The following AK3 variants were observed in gnomAD, a reference collection of about 807,000 sequenced individuals.
The protein encoded by AK3 is adenylate kinase 3.
AK3 carries 27 observed loss-of-function variants against 23.7 expected under a neutral mutation model. The ratio of observed to expected loss-of-function variants is 1.14; its 90% CI spans 0.84 to 1.57. The LOEUF (loss-of-function observed/expected upper bound fraction) is 1.57. AK3 is among the 40% of genes most tolerant of loss of function. AK3 has a pLI of 0.00. For synonymous variants in AK3, 159 were observed against 116.0 expected (o/e 1.37, Z -2.38); for missense variants, 406 against 285.6 (o/e 1.42, Z -3.04).
At chr9:4,731,252 T>A (rs1842146039) in intron 1 of AK3, among the ~76,000 whole-genome samples, 1 of 152,168 alleles carries the variant, frequency 6.6e-6, no homozygotes, top group Admixed American at 6.6e-5. Context: ...TTATTTTTCC[T>A]GATCCTCTCC....
At chr9:4,722,976 C>T (rs370984425) in intron 1 of AK3, among the ~76,000 whole-genome samples, 5 of 152,196 alleles carry the variant, frequency 3.3e-5, no homozygotes, top group Non-Finnish European at 5.9e-5. Flanking sequence ...AGGTGGGAGA[C>T]GGGGGAATCG....
At chr9:4,722,026 G>A (rs184533413) in intron 2 of AK3, among the ~76,000 whole-genome samples, 1 of 152,304 alleles carries the variant, frequency 6.6e-6, no homozygotes, top group African/African-American at 2.4e-5. Context: ...AGGATATTAT[G>A]ACTCAGATCT....
intron 1 of AK3, among the ~76,000 whole-genome samples, chr9:4,724,377 T>G (rs907302898): frequency 6.6e-6 from 1 of 152,190 alleles, no homozygotes; most frequent in Non-Finnish European, 1.5e-5. Context: ...CCGAACCAGC[T>G]GCAGCAGATG....
chr9:4,723,059 A>G (rs564246965), intron 1 of AK3, among the ~76,000 whole-genome samples: 1 of 149,980 alleles, frequency 6.7e-6, no homozygotes, highest in African/African-American at 2.5e-5. Context: ...CAACAGAGTG[A>G]GACTCCGTCT....
chr9:4,733,796 A>G (rs1287034859), intron 1 of AK3, among the ~76,000 whole-genome samples: 1 of 140,976 alleles, frequency 7.1e-6, no homozygotes, highest in African/African-American at 2.6e-5. Context: ...ACCCCCAGCA[A>G]GGAGCTCTAC....
rs1454612366 is a variant in AK3, at chr9:4,711,606, G to A, written c.*1370C>T. ...GGAACAGATTTTTAAAGGCAATAAC[G>A]ACTTGTAAGACGGCTTGTTTCATTT... On this transcript the variant is annotated 3_prime_UTR_variant, in exon 5 of 5. Transcript: ENST00000381809. 2.0e-5 allele frequency: 3 copies of A among 152,248 alleles called. No individual in the cohort carries two copies. The highest frequency in any genetic ancestry group is 7.2e-5 in the African/African-American group (3 of 41,426). The allele number at this position is 152,248 out of a possible 1,614,324, so 9.4% of individuals were successfully genotyped here.
chr9:4,732,868 CTCT>C (rs1279909022), intron 1 of AK3, among the ~76,000 whole-genome samples: 143 of 111,714 alleles, frequency 1.3e-3, no homozygotes, highest in African/African-American at 3.8e-3. Context: ...CTCTCTCTCT[CTCT>C]TTTTTTTTTT....
At chr9:4,715,204 G>A (rs1841689633) in intron 4 of AK3, among the ~76,000 whole-genome samples, 1 of 120,276 alleles carries the variant, frequency 8.3e-6, no homozygotes, top group Admixed American at 1.0e-4. Context: ...GAGAGAGAGT[G>A]AGACTCCGTC....
intron 1 of AK3, among the ~76,000 whole-genome samples, chr9:4,729,760 A>G (rs899186319): frequency 6.6e-6 from 1 of 151,670 alleles, no homozygotes; most frequent in African/African-American, 2.4e-5. Flanking sequence ...GCAGGAGTTC[A>G]AGGCTGCTGC....
At chr9:4,720,817 T>C (rs185343699) in intron 2 of AK3, among the ~76,000 whole-genome samples, 74 of 152,316 alleles carry the variant, frequency 4.9e-4, no homozygotes, top group Admixed American at 2.3e-3. Context: ...ATCTAGACCT[T>C]ACAATGTGCT....
intron 1 of AK3, among the ~76,000 whole-genome samples, chr9:4,738,019 C>A (rs954787097): frequency 6.6e-6 from 1 of 152,096 alleles, no homozygotes; most frequent in Non-Finnish European, 1.5e-5. Context: ...AAATTCCATA[C>A]TAGGAATTTA....
At chr9:4,739,804 G>T (rs1177363869) in intron 1 of AK3, among the ~76,000 whole-genome samples, 1 of 151,944 alleles carries the variant, frequency 6.6e-6, no homozygotes, top group African/African-American at 2.4e-5. Context: ...GGTGGCATGC[G>T]CCTGTAGTCC....
chr9:4,741,700 C>G (rs1319911327), upstream of AK3: 1 of 152,450 alleles, frequency 6.6e-6, no homozygotes, highest in African/African-American at 2.4e-5. Context: ...CGCCCCTAGT[C>G]CATAGCAGGC....
chr9:4,723,055 A>AGT (rs58064398), intron 1 of AK3, among the ~76,000 whole-genome samples: 9,012 of 152,280 alleles, frequency 0.059, 849 homozygotes, highest in African/African-American at 0.2. Context: ...TGGGCAACAG[A>AGT]GTGAGACTCC....
intron 1 of AK3, among the ~76,000 whole-genome samples, chr9:4,740,472 A>C (rs1842401964): frequency 6.6e-6 from 1 of 152,212 alleles, no homozygotes; most frequent in Non-Finnish European, 1.5e-5. Flanking sequence ...GAACTACAAG[A>C]TCTCATAGAG....
At chr9:4,734,788 C>G (rs1370421445) in intron 1 of AK3, among the ~76,000 whole-genome samples, 3 of 152,098 alleles carry the variant, frequency 2.0e-5, no homozygotes. Context: ...TAAAACATGG[C>G]CCATCCATAA....
At chr9:4,728,968 T>A (rs1200222279) in intron 1 of AK3, among the ~76,000 whole-genome samples, 3 of 132,152 alleles carry the variant, frequency 2.3e-5, no homozygotes, top group Non-Finnish European at 3.3e-5. Flanking sequence ...CACATACATA[T>A]ATATACCTAC....
rs200235726 is a variant in AK3 at position 4,712,957 on chromosome 9, T to C, written c.*19A>G. On this transcript the variant is annotated 3_prime_UTR_variant, in exon 5 of 5. Coordinates refer to ENST00000381809, the MANE Select transcript of AK3 (RefSeq NM_016282.4). ...GGAGGTTTGCCCATCTTACTATTAA[T>C]AGTTACACACATTTCTCCTCATGGA... The C allele has an allele frequency of 3.5e-5, 57 of 1,610,634 alleles. No individual in the cohort carries two copies. The Middle Eastern group carries it at 7.4e-4, about 21-fold the overall frequency.
intron 2 of AK3, among the ~76,000 whole-genome samples, chr9:4,721,883 T>C (rs1470043675): frequency 2.0e-5 from 3 of 152,190 alleles, no homozygotes; most frequent in Non-Finnish European, 4.4e-5. Context: ...CAGAACCTTC[T>C]TAGATAAAGC....
Sources: gnomAD v4.1 joint callset for allele counts (sites outside exome capture counted in the v4.1 genomes callset) on GRCh38, gnomAD v4.1.1 for gene constraint, MANE v1.5 for transcripts, NCBI Gene and HGNC (gene_info 2026-07-23, HGNC 2026-07-21) for gene names.